The following UNC5D variants were observed in gnomAD, a reference collection of about 807,000 sequenced individuals.
The protein encoded by UNC5D is unc-5 netrin receptor D, also known as netrin receptor UNC5D.
A neutral mutation model predicts 105.4 loss-of-function variants in UNC5D; 39 were observed. That is an observed-to-expected ratio of 0.37 (90% confidence interval 0.29 to 0.48). UNC5D has a LOEUF of 0.48. UNC5D is among the 20% of genes least tolerant of loss of function. The probability of loss-of-function intolerance (pLI) is 0.98; values close to 1 mark genes in which losing one functional copy is unlikely to be tolerated. For synonymous variants in UNC5D, 452 were observed against 450.4 expected (o/e 1.00, Z -0.04); for missense variants, 991 against 1,202.4 (o/e 0.82, Z 2.60).
chr8:35,716,448 A>G (rs556933148), intron 8 of UNC5D, among the ~76,000 whole-genome samples: 24 of 152,310 alleles, frequency 1.6e-4, no homozygotes, highest in Middle Eastern at 3.4e-3. Flanking sequence ...GACCAAAAGC[A>G]TTGATTCTGG....
chr8:35,757,707 T>G (rs1226744518), intron 13 of UNC5D, among the ~76,000 whole-genome samples: 1 of 152,158 alleles, frequency 6.6e-6, no homozygotes, highest in East Asian at 1.9e-4. Context: ...TGATGGAAAT[T>G]TAGTAAATCT....
chr8:35,737,310 G>A (rs188912909), intron 11 of UNC5D, among the ~76,000 whole-genome samples: 1 of 148,216 alleles, frequency 6.7e-6, no homozygotes, highest in East Asian at 2.0e-4. Context: ...GTTAATGTGT[G>A]ATGAAGGAAT....
At chr8:35,545,144 A>C (rs1815555114) in intron 1 of UNC5D, among the ~76,000 whole-genome samples, 1 of 152,228 alleles carries the variant, frequency 6.6e-6, no homozygotes, top group Non-Finnish European at 1.5e-5. Flanking sequence ...GTTGTGGCAT[A>C]TGTGTTGAGA....
At chr8:35,460,979 G>A (rs1201742317) in intron 1 of UNC5D, among the ~76,000 whole-genome samples, 1 of 152,196 alleles carries the variant, frequency 6.6e-6, no homozygotes, top group Non-Finnish European at 1.5e-5. Flanking sequence ...ATTGAACAGA[G>A]CTTTTACCTT....
chr8:35,507,036 C>T (rs1395951038), intron 1 of UNC5D, among the ~76,000 whole-genome samples: 1 of 149,600 alleles, frequency 6.7e-6, no homozygotes, highest in African/African-American at 2.5e-5. Context: ...TGCAGGCCTC[C>T]ATCAGGGCTT....
intron 1 of UNC5D, chr8:35,255,254 A>G (rs1206913684): frequency 1.3e-5 from 2 of 152,144 alleles, no homozygotes; most frequent in Non-Finnish European, 2.9e-5. Flanking sequence ...TCTGTTACAC[A>G]TCTTCAATGC....
At chr8:35,762,416 G>A (rs1294869122) in intron 14 of UNC5D, among the ~76,000 whole-genome samples, 2 of 152,156 alleles carry the variant, frequency 1.3e-5, no homozygotes, top group Non-Finnish European at 2.9e-5. Flanking sequence ...TGAGAAGTAG[G>A]AAAGGCTATG....
chr8:35,441,277 A>T (rs1807378443), intron 1 of UNC5D, among the ~76,000 whole-genome samples: 1 of 151,998 alleles, frequency 6.6e-6, no homozygotes, highest in South Asian at 2.1e-4. Context: ...AAAATAGGTG[A>T]GTACAGCACA....
intron 16 of UNC5D, among the ~76,000 whole-genome samples, chr8:35,778,050 G>A (rs1160055792): frequency 6.6e-6 from 1 of 152,160 alleles, no homozygotes; most frequent in Non-Finnish European, 1.5e-5. Context: ...TTCAAATAAT[G>A]GGTGTGAGGC....
rs375612190 is a variant in UNC5D, at chr8:35,784,954, C to T, written c.2658-5405C>T. Among the ~76,000 whole-genome samples the T allele has an allele frequency of 5.9e-5, 9 of 152,066 alleles. No homozygotes were observed. The East Asian group carries it at 1.7e-3, about 29-fold the overall frequency. On this transcript the variant is annotated intron_variant, in intron 16 of 16. Transcript: ENST00000404895. ...AAGCATCTAAGATGAGGGTAGTAAG[C>T]ATTCACTTCCTTAAAAATTTGTCAA...
At chr8:35,722,424 G>A (rs768977592) in intron 9 of UNC5D, 29 bp downstream of exon 9, 42 of 1,604,308 alleles carry the variant, frequency 2.6e-5, no homozygotes, top group African/African-American at 1.2e-4. Context: ...TCCACACCTC[G>A]TCCTCAGTGC....
intron 1 of UNC5D, among the ~76,000 whole-genome samples, chr8:35,507,116 C>T (rs1475793020): frequency 4.9e-5 from 6 of 121,780 alleles, no homozygotes; most frequent in African/African-American, 1.9e-4. Context: ...AGTGCAGTGG[C>T]GGGATCTCGG....
intron 3 of UNC5D, among the ~76,000 whole-genome samples, chr8:35,594,812 G>A (rs931792036): frequency 1.3e-5 from 2 of 152,130 alleles, no homozygotes; most frequent in African/African-American, 2.4e-5. Context: ...CCCATCACTG[G>A]CATCGATGCT....
At chr8:35,588,341 G>A (rs1818933487) in intron 3 of UNC5D, among the ~76,000 whole-genome samples, 1 of 152,134 alleles carries the variant, frequency 6.6e-6, no homozygotes. Context: ...ATGTATATAT[G>A]TTTAAAAGGA....
At chr8:35,297,323 G>A (rs1807567684) in intron 1 of UNC5D, among the ~76,000 whole-genome samples, 1 of 152,234 alleles carries the variant, frequency 6.6e-6, no homozygotes, top group Admixed American at 6.5e-5. Flanking sequence ...GCCTGAAAAA[G>A]CCTTTCCTAT....
intron 2 of UNC5D, among the ~76,000 whole-genome samples, chr8:35,564,095 G>A (rs1318574461): frequency 6.6e-6 from 1 of 151,886 alleles, no homozygotes; most frequent in Non-Finnish European, 1.5e-5. Context: ...TCTGATTTTG[G>A]TATCAGGGTA....
At chr8:35,330,343 C>T (rs1355686871) in intron 1 of UNC5D, among the ~76,000 whole-genome samples, 1 of 152,196 alleles carries the variant, frequency 6.6e-6, no homozygotes, top group African/African-American at 2.4e-5. Flanking sequence ...TTAGCTCTTG[C>T]TACCTTTTGT....
chr8:35,291,462 C>T (rs944383659), intron 1 of UNC5D, among the ~76,000 whole-genome samples: 5 of 152,210 alleles, frequency 3.3e-5, no homozygotes, highest in African/African-American at 1.2e-4. Flanking sequence ...GTCTGACCAT[C>T]ACTTGCTTAG....
At chr8:35,429,623 A>G (rs911864418) in intron 1 of UNC5D, among the ~76,000 whole-genome samples, 2 of 152,176 alleles carry the variant, frequency 1.3e-5, no homozygotes, top group African/African-American at 4.8e-5. Flanking sequence ...ATAAAATAAC[A>G]CTTTTTTTCC....
Sources: gnomAD v4.1 joint callset for allele counts (sites outside exome capture counted in the v4.1 genomes callset) on GRCh38, gnomAD v4.1.1 for gene constraint, MANE v1.5 for transcripts, NCBI Gene and HGNC (gene_info 2026-07-23, HGNC 2026-07-21) for gene names.